Variants in ZNF536 observed in about 807,000 individuals in gnomAD.
ZNF536 encodes the protein zinc finger protein 536.
A neutral mutation model predicts 84.5 loss-of-function variants in ZNF536; 13 were observed. The ratio of observed to expected loss-of-function variants is 0.15; its 90% CI spans 0.10 to 0.24. ZNF536 has a LOEUF of 0.24. Among genes scored for constraint, ZNF536 ranks in the 10% least tolerant of loss-of-function variants. ZNF536 has a pLI of 1.00. For synonymous variants in ZNF536, 811 were observed against 742.5 expected (o/e 1.09, Z -1.50); for missense variants, 1,536 against 1,747.5 (o/e 0.88, Z 2.16).
Position 30,347,992 on chromosome 19 carries a change from T to C in ZNF536, c.-119-4376T>C, listed in dbSNP as rs528017843. Among the ~76,000 whole-genome samples the C allele has an allele frequency of 1.1e-4, 16 of 152,364 alleles. No homozygotes were observed. In the South Asian group the frequency reaches 3.3e-3, roughly 32 times the overall value. On this transcript the variant is annotated intron_variant, in intron 2 of 5. Transcript: ENST00000585628. ...TGGGCATGCTGGAGACGCCCATGTG[T>C]GTACTTGTTGATGACAAGATTCCAA...
At chr19:30,551,019 T>C (rs1289753609) in intron 4 of ZNF536, among the ~76,000 whole-genome samples, 2 of 151,360 alleles carry the variant, frequency 1.3e-5, no homozygotes, top group Non-Finnish European at 2.9e-5. Flanking sequence ...CCAAATTTTT[T>C]CCCCTTTTTT....
intron 1 of ZNF536, among the ~76,000 whole-genome samples, chr19:30,700,189 CTTCTTTCT>C (rs1215245992): frequency 4.1e-5 from 5 of 121,348 alleles, no homozygotes; most frequent in African/African-American, 1.7e-4. Flanking sequence ...CTTTTCTTTC[CTTCTTTCT>C]TTCCTTCTTT....
At chr19:30,674,672 G>T (rs1319943902) in intron 1 of ZNF536, among the ~76,000 whole-genome samples, 1 of 152,206 alleles carries the variant, frequency 6.6e-6, no homozygotes, top group Non-Finnish European at 1.5e-5. Flanking sequence ...CATCGTGGGT[G>T]GAGGCCAGCT....
At position 30,548,027 on chromosome 19, in the gene ZNF536, G is replaced by C. The variant is rs767989687; in HGVS notation, c.2408G>C (p.Arg803Pro). ...SLKYHLERHH[R>P]ERQNGAGPLS... ...AAATACCACTTAGAGCGACACCATC[G>C]GGAGCGGCAGAACGGGGCTGGGCCG... Residue 803 changes from arginine (R) to proline (P), a missense_variant, in exon 4 of 5, where the codon CGG becomes CCG. By Grantham distance (103) the Arg-to-Pro change is moderately radical (BLOSUM62 -2). Coordinates refer to ENST00000355537, the MANE Select transcript of ZNF536 (RefSeq NM_014717.3). 6.2e-7 allele frequency: 1 copy of C among 1,613,742 alleles called. No homozygotes were observed. Among genetic ancestry groups the C allele is most frequent in the Non-Finnish European group, 8.5e-7 (1 of 1,179,880 alleles).
intron 1 of ZNF536, among the ~76,000 whole-genome samples, chr19:30,280,038 C>T (rs183312742): frequency 1.2e-3 from 176 of 152,276 alleles, no homozygotes; most frequent in Admixed American, 1.6e-3. Context: ...CTCCACCTCC[C>T]GCAGGAGAGA....
intron 1 of ZNF536, among the ~76,000 whole-genome samples, chr19:30,236,784 T>C (rs2023552559): frequency 1.3e-5 from 2 of 152,140 alleles, no homozygotes; most frequent in South Asian, 4.1e-4. Context: ...TGCCCTGGGA[T>C]GTAACGGATG....
rs772761287 is a variant in ZNF536, at chr19:30,545,385, C to CTTTTTTTTTTTTTT, written c.2324-2541_2324-2528dup. 3.7e-4 allele frequency among the ~76,000 whole-genome samples: 25 copies of CTTTTTTTTTTTTTT among 67,678 alleles called. 5 individuals are homozygous for CTTTTTTTTTTTTTT. Among genetic ancestry groups the CTTTTTTTTTTTTTT allele is most frequent in the African/African-American group, 5.4e-4 (9 of 16,732 alleles). The allele number at this position is 67,678 out of a possible 152,430, so 44.4% of individuals were successfully genotyped here. On this transcript the variant is annotated intron_variant, in intron 3 of 4. Coordinates refer to ENST00000355537, the MANE Select transcript of ZNF536 (RefSeq NM_014717.3). ...TTAAGTACTACCCGCTCCCATATGT[C>CTTTTTTTTTTTTTT]TTTTTTTTTTTTTTTTTTTTTTTTT...
At chr19:30,275,398 G>A (rs2026071318) in intron 1 of ZNF536, among the ~76,000 whole-genome samples, 1 of 152,188 alleles carries the variant, frequency 6.6e-6, no homozygotes, top group African/African-American at 2.4e-5. Flanking sequence ...GTGCAGAATG[G>A]TGCCAAGCTC....
intron 1 of ZNF536, among the ~76,000 whole-genome samples, chr19:30,699,231 G>A (rs1161714846): frequency 6.6e-6 from 1 of 152,056 alleles, no homozygotes; most frequent in Admixed American, 6.5e-5. Context: ...CTTTTTTTGG[G>A]AGTGGTATTA....
rs892503989 is a variant in ZNF536 at position 30,445,251 on chromosome 19, G to A, written c.1689G>A (p.Lys563=). The change falls in exon 2 of 5, where the codon AAG becomes AAA. Residue 563 remains lysine, a synonymous_variant. Coordinates refer to ENST00000355537, the MANE Select transcript of ZNF536 (RefSeq NM_014717.3). This position sits in a 1 kb window ranked among gnomAD's most constrained non-coding sequence, Gnocchi z 4.5. ...CCGGGGTTCTGTTTGATAAGGAGAA[G>A]CGGGAGTACGTGTTAGTGGGAGCAG... ...ANAGVLFDKE[K]REYVLVGADG... 6.2e-7 allele frequency: 1 copy of A among 1,614,100 alleles called. No homozygotes were observed. Among genetic ancestry groups the A allele is most frequent in the Non-Finnish European group, 8.5e-7 (1 of 1,180,062 alleles).
intron 1 of ZNF536, among the ~76,000 whole-genome samples, chr19:30,395,673 A>G (rs2049786024): frequency 1.3e-5 from 2 of 152,360 alleles, no homozygotes; most frequent in African/African-American, 4.8e-5. Context: ...GTACCTCTTC[A>G]TGTGGCTGAG....
At chr19:30,403,384 T>G (rs2050133600) in intron 1 of ZNF536, among the ~76,000 whole-genome samples, 1 of 152,180 alleles carries the variant, frequency 6.6e-6, no homozygotes, top group African/African-American at 2.4e-5. Context: ...AGGAGGAAAG[T>G]GAGAGCCAAA....
chr19:30,663,506 G>A (rs957851293), intron 1 of ZNF536, among the ~76,000 whole-genome samples: 1 of 152,080 alleles, frequency 6.6e-6, no homozygotes, highest in African/African-American at 2.4e-5. Context: ...AAATGAATAC[G>A]ATTTTCTAAT....
At chr19:30,370,774 G>A (rs554967108), upstream of ZNF536, among the ~76,000 whole-genome samples, 68 of 152,236 alleles carry the variant, frequency 4.5e-4, no homozygotes, top group Admixed American at 3.9e-3. Flanking sequence ...CAGGTACGGG[G>A]GATATTAATG....
intron 1 of ZNF536, among the ~76,000 whole-genome samples, chr19:30,628,650 C>T (rs1353645783): frequency 2.0e-5 from 3 of 151,934 alleles, no homozygotes; most frequent in South Asian, 2.1e-4. Context: ...AGGATGGTCT[C>T]GATCTCCTGA....
intron 1 of ZNF536, among the ~76,000 whole-genome samples, chr19:30,676,139 G>A (rs2050747104): frequency 6.6e-6 from 1 of 152,190 alleles, no homozygotes; most frequent in Non-Finnish European, 1.5e-5. Flanking sequence ...ACAGGTGTGA[G>A]CCACATGTGC....
intron 1 of ZNF536, among the ~76,000 whole-genome samples, chr19:30,572,402 G>A (rs1476114917): frequency 1.3e-5 from 2 of 152,142 alleles, no homozygotes; most frequent in South Asian, 2.1e-4. Context: ...GAGGAGAGGT[G>A]GGGGCAGATC....
intron 1 of ZNF536, among the ~76,000 whole-genome samples, chr19:30,607,955 T>G (rs1162409463): frequency 6.6e-6 from 1 of 152,222 alleles, no homozygotes; most frequent in Non-Finnish European, 1.5e-5. Flanking sequence ...CATAGTATTC[T>G]ATTAGACCAT....
At chr19:30,283,166 A>G (rs1383692453) in intron 1 of ZNF536, among the ~76,000 whole-genome samples, 1 of 152,236 alleles carries the variant, frequency 6.6e-6, no homozygotes, top group Non-Finnish European at 1.5e-5. Context: ...CTCTGTGATC[A>G]GAATTTACAA....
Sources: gnomAD v4.1 joint callset for allele counts (sites outside exome capture counted in the v4.1 genomes callset) on GRCh38, gnomAD v4.1.1 for gene constraint, Gnocchi (gnomAD v3.1) non-coding constraint, MANE v1.5 for transcripts, NCBI Gene and HGNC (gene_info 2026-07-23, HGNC 2026-07-21) for gene names.